RPIA: variants seen among roughly 807,000 people sequenced by gnomAD.
RPIA encodes ribose 5-phosphate isomerase A.
RPIA carries 29 observed loss-of-function variants against 37.8 expected under a neutral mutation model. The observed-to-expected ratio is 0.77, with a 90% CI of 0.57 to 1.05. The LOEUF (loss-of-function observed/expected upper bound fraction) is 1.05. RPIA is among the 50% of genes least tolerant of loss of function. The pLI is 0.00. For synonymous variants in RPIA, 167 were observed against 157.0 expected, an observed-to-expected ratio of 1.06 and a Z score of -0.48; for missense variants, 385 against 413.6, an observed-to-expected ratio of 0.93 and a Z score of 0.60.
intron 3 of RPIA, among the ~76,000 whole-genome samples, chr2:88,712,150 G>T (rs1342879719): frequency 6.6e-6 from 1 of 152,204 alleles, no homozygotes; most frequent in South Asian, 2.1e-4. Flanking sequence ...CCATCAGTCA[G>T]TTGGGAGGCA....
intron 8 of RPIA, among the ~76,000 whole-genome samples, chr2:88,747,238 C>T (rs182033336): frequency 3.3e-5 from 5 of 152,168 alleles, no homozygotes; most frequent in African/African-American, 9.6e-5. Flanking sequence ...AGGAGAAAGC[C>T]GGCAGTGACA....
intron 6 of RPIA, 30 bp downstream of exon 6, chr2:88,735,767 T>C (rs763430798): frequency 3.7e-6 from 6 of 1,607,712 alleles, no homozygotes; most frequent in Non-Finnish European, 5.1e-6. Flanking sequence ...AGCTGCCAAC[T>C]GAGGAGGTAG....
chr2:88,737,915 T>C, intron 7 of RPIA, 62 bp from the exon 8 acceptor site: 1 of 1,247,676 alleles, frequency 8.0e-7, no homozygotes, highest in East Asian at 2.3e-5. Context: ...CCCTCTACTT[T>C]CCTGTCCTTC....
intron 8 of RPIA, among the ~76,000 whole-genome samples, chr2:88,747,739 T>G (rs1673456061): frequency 6.6e-6 from 1 of 152,194 alleles, no homozygotes; most frequent in African/African-American, 2.4e-5. Context: ...GATCTGGATT[T>G]TTCAGGTTCC....
chr2:88,728,502 A>T (rs1280699732), intron 3 of RPIA, among the ~76,000 whole-genome samples: 2 of 152,174 alleles, frequency 1.3e-5, no homozygotes, highest in Non-Finnish European at 2.9e-5. Flanking sequence ...AAAGTTTTCC[A>T]TCCTTTGGTT....
chr2:88,741,934 T>C (rs1673387894), intron 8 of RPIA, among the ~76,000 whole-genome samples: 1 of 152,238 alleles, frequency 6.6e-6, no homozygotes, highest in Non-Finnish European at 1.5e-5. Flanking sequence ...TTTGAGTTCC[T>C]TATATATTCT....
intron 8 of RPIA, among the ~76,000 whole-genome samples, chr2:88,742,721 A>C (rs1186491499): frequency 6.6e-6 from 1 of 152,038 alleles, no homozygotes; most frequent in African/African-American, 2.4e-5. Flanking sequence ...GGTTTTTTTC[A>C]GCAGTATTTT....
intron 1 of RPIA, among the ~76,000 whole-genome samples, chr2:88,694,896 G>A (rs1290682074): frequency 1.3e-5 from 2 of 149,794 alleles, no homozygotes; most frequent in African/African-American, 2.5e-5. Flanking sequence ...ATTGGATCAT[G>A]CCCTTTTTGT....
intron 3 of RPIA, among the ~76,000 whole-genome samples, chr2:88,703,901 T>C (rs1672864961): frequency 6.6e-6 from 1 of 152,248 alleles, no homozygotes. Context: ...ACCTCTCGAA[T>C]GCTTTGCTGC....
In RPIA at chr2:88,725,521, C is replaced by T. The variant is rs116580577; in HGVS notation, c.403-3757C>T. On this transcript the variant is annotated intron_variant, in intron 3 of 8. Coordinates refer to ENST00000283646, the MANE Select transcript of RPIA (RefSeq NM_144563.3). ...GGTGTTCCTTGGCTTGTAGGCCCAT[C>T]CCCTGATCTCTGCCTGCATGTTCAC... 2.9e-3 allele frequency among the ~76,000 whole-genome samples: 440 copies of T among 152,118 alleles called. 2 individuals carry two copies. The highest frequency in any genetic ancestry group is 0.01 in the Middle Eastern group (3 of 294).
chr2:88,719,069 A>C (rs72846146), intron 3 of RPIA, among the ~76,000 whole-genome samples: 1 of 152,074 alleles, frequency 6.6e-6, no homozygotes, highest in East Asian at 1.9e-4. Flanking sequence ...TGATGTTACA[A>C]TCTCTAAAGT....
chr2:88,692,136 C>T (rs1412130260), intron 1 of RPIA, among the ~76,000 whole-genome samples, 153 bp downstream of exon 1: 1 of 152,184 alleles, frequency 6.6e-6, no homozygotes, highest in Non-Finnish European at 1.5e-5. Flanking sequence ...CGAGTTTAGA[C>T]CCCTCTTCCC....
Position 88,735,663 on chromosome 2 carries a change from C to T in RPIA, c.528-6C>T, listed in dbSNP as rs759943418. On this transcript the variant is annotated splice_polypyrimidine_tract_variant and splice_region_variant and intron_variant, in intron 5 of 8. Transcript: ENST00000283646. ...ACTCCTGTGTTCCTTTGCTTCTTTC[C>T]TGCAGAGGCTGCCTGACCCAGGAGA... The T allele has an allele frequency of 5.0e-6, 8 of 1,613,998 alleles. No homozygotes were observed. The East Asian group carries it at 1.6e-4, about 31-fold the overall frequency.
chr2:88,718,020 A>G, intron 3 of RPIA, among the ~76,000 whole-genome samples: 1 of 152,202 alleles, frequency 6.6e-6, no homozygotes, highest in East Asian at 1.9e-4. Flanking sequence ...GTCTAGCTTC[A>G]GTTTGCAGGG....
At chr2:88,702,524 G>A (rs1388331448) in intron 3 of RPIA, among the ~76,000 whole-genome samples, 3 of 138,800 alleles carry the variant, frequency 2.2e-5, no homozygotes, top group Non-Finnish European at 4.6e-5. Flanking sequence ...GAATGAGGAA[G>A]ACACAAAAGC....
rs142848449 is a variant in RPIA at position 88,716,288 on chromosome 2, A to T, written c.403-12990A>T. On this transcript the variant is annotated intron_variant, in intron 3 of 8. Transcript: ENST00000283646. ...CTGCCTTATCAGACTGAACCTAGGT[A>T]CATCTGATACATATTGATTGATGTC... 1.9e-3 allele frequency among the ~76,000 whole-genome samples: 296 copies of T among 152,336 alleles called. 2 individuals carry two copies. The highest frequency in any genetic ancestry group is 7.0e-3 in the African/African-American group (291 of 41,568).
intron 3 of RPIA, among the ~76,000 whole-genome samples, chr2:88,727,071 T>A (rs1374904615): frequency 6.7e-6 from 1 of 150,358 alleles, no homozygotes; most frequent in East Asian, 1.9e-4. Context: ...GTTTAATATC[T>A]CTTGTGTGCG....
intron 8 of RPIA, among the ~76,000 whole-genome samples, chr2:88,738,351 A>G (rs1045860241): frequency 6.6e-6 from 1 of 152,206 alleles, no homozygotes; most frequent in African/African-American, 2.4e-5. Context: ...TTCAGAGGGG[A>G]CTTGCCTTGA....
At chr2:88,733,793 C>T (rs2104130410) in intron 4 of RPIA, among the ~76,000 whole-genome samples, 1 of 152,306 alleles carries the variant, frequency 6.6e-6, no homozygotes, top group South Asian at 2.1e-4. Flanking sequence ...ACTCGGGGTT[C>T]CTACAATGTC....
Sources: allele counts gnomAD v4.1 joint callset (sites outside exome capture counted in the v4.1 genomes callset), GRCh38; gene constraint gnomAD v4.1.1; transcripts MANE v1.5; gene names NCBI Gene and HGNC (gene_info 2026-07-23, HGNC 2026-07-21).